The following ZFHX3 variants were observed in gnomAD, a reference collection of about 807,000 sequenced individuals.
ZFHX3 encodes the protein zinc finger homeobox 3.
A neutral mutation model predicts 279.1 loss-of-function variants in ZFHX3; 42 were observed. That is an observed-to-expected ratio of 0.15 (90% CI 0.12 to 0.19). The LOEUF is 0.19. Among genes scored for constraint, ZFHX3 ranks in the 10% least tolerant of loss-of-function variants. The probability of loss-of-function intolerance (pLI) is 1.00; values close to 1 mark genes in which losing one functional copy is unlikely to be tolerated. For synonymous variants in ZFHX3, 2,293 were observed against 1,957.8 expected (o/e 1.17, Z -4.52); for missense variants, 4,981 against 4,754.0 (o/e 1.05, Z -1.40).
At chr16:73,748,951 C>A (rs938260655) in intron 1 of ZFHX3, among the ~76,000 whole-genome samples, 1 of 152,040 alleles carries the variant, frequency 6.6e-6, no homozygotes, top group African/African-American at 2.4e-5. Context: ...CCACACCTGA[C>A]TAATTTTTGT....
intron 3 of ZFHX3, among the ~76,000 whole-genome samples, chr16:72,913,053 T>A (rs973277517): frequency 1.3e-5 from 2 of 152,172 alleles, no homozygotes; most frequent in Admixed American, 6.5e-5. Context: ...CAGGCCTGGT[T>A]TTTGAATTCT....
At chr16:73,283,508 A>C (rs1391956389) in intron 4 of ZFHX3, among the ~76,000 whole-genome samples, 1 of 152,158 alleles carries the variant, frequency 6.6e-6, no homozygotes, top group Non-Finnish European at 1.5e-5. Flanking sequence ...CAGGCCCGCT[A>C]CTGGGGGGAC....
rs369115741 is a variant in ZFHX3, at chr16:73,663,165, T to A, written c.-1547+17015A>T. 5.1e-4 allele frequency among the ~76,000 whole-genome samples: 78 copies of A among 152,382 alleles called. 1 individual carries two copies. The highest frequency in any genetic ancestry group is 1.7e-3 in the African/African-American group (71 of 41,588). On this transcript the variant is annotated intron_variant, in intron 2 of 17. Coordinates refer to the ZFHX3 transcript ENST00000641206. ...TTGACAGACATGAGTTTGAGAAAAC[T>A]GTTTGCATTTCATACCTTCTCCTTG...
At chr16:73,425,609 G>A (rs182311834) in intron 3 of ZFHX3, among the ~76,000 whole-genome samples, 43 of 152,188 alleles carry the variant, frequency 2.8e-4, no homozygotes, top group Admixed American at 7.8e-4. Context: ...CTATAGTCAG[G>A]GCATTGCAGG....
At chr16:72,845,920 G>A (rs1021771714) in intron 4 of ZFHX3, among the ~76,000 whole-genome samples, 1 of 152,202 alleles carries the variant, frequency 6.6e-6, no homozygotes, top group South Asian at 2.1e-4. Context: ...GGTGACAGCT[G>A]ATGCCAAGGA....
chr16:73,167,901 G>A (rs1252019131), intron 5 of ZFHX3, among the ~76,000 whole-genome samples: 1 of 151,682 alleles, frequency 6.6e-6, no homozygotes, highest in Admixed American at 6.6e-5. Context: ...AAAATGTAGA[G>A]ATTTCCAACC....
intron 1 of ZFHX3, among the ~76,000 whole-genome samples, chr16:72,990,855 C>T (rs1407373090): frequency 2.0e-5 from 3 of 152,188 alleles, no homozygotes; most frequent in Admixed American, 6.5e-5. Context: ...CGGCACATGC[C>T]TGTAATCCCA....
intron 2 of ZFHX3, among the ~76,000 whole-genome samples, chr16:73,470,276 C>T (rs191368744): frequency 5.9e-5 from 9 of 152,292 alleles, no homozygotes; most frequent in East Asian, 3.9e-4. Context: ...AAAGCTGTCT[C>T]GTCCTGTAAT....
At chr16:72,922,971 G>A (rs575107806) in intron 3 of ZFHX3, among the ~76,000 whole-genome samples, 2 of 152,060 alleles carry the variant, frequency 1.3e-5, no homozygotes, top group South Asian at 2.1e-4. Flanking sequence ...AGAAGGACTC[G>A]ACGAAATGAT....
At chr16:73,401,492 G>A (rs1176863490) in intron 3 of ZFHX3, 1 of 151,622 alleles carries the variant, frequency 6.6e-6, no homozygotes, top group African/African-American at 2.4e-5. Context: ...GCTGCAAGGG[G>A]AGGTTCTCTC....
intron 2 of ZFHX3, among the ~76,000 whole-genome samples, chr16:73,495,975 A>C (rs2019134315): frequency 6.6e-6 from 1 of 152,236 alleles, no homozygotes; most frequent in Non-Finnish European, 1.5e-5. Flanking sequence ...AACGTAGAGC[A>C]CGATTTATGG....
At chr16:73,127,622 C>G (rs934810391) in intron 7 of ZFHX3, 1 of 1,289,590 alleles carries the variant, frequency 7.8e-7, no homozygotes, top group Non-Finnish European at 1.0e-6. Context: ...AAGAAAGGAA[C>G]AGGGTGCAGA....
intron 1 of ZFHX3, among the ~76,000 whole-genome samples, chr16:73,718,807 G>T (rs1040579339): frequency 5.9e-5 from 9 of 151,774 alleles, no homozygotes; most frequent in Admixed American, 5.9e-4. Flanking sequence ...ATAGAGACGG[G>T]GTTTCGCCAT....
intron 2 of ZFHX3, among the ~76,000 whole-genome samples, chr16:73,649,169 T>G (rs1364064131): frequency 6.6e-6 from 1 of 152,226 alleles, no homozygotes; most frequent in East Asian, 1.9e-4. Context: ...TTCTTTACAA[T>G]GATGTTCCAT....
At chr16:73,767,178 C>A (rs1483773896) in intron 1 of ZFHX3, among the ~76,000 whole-genome samples, 1 of 152,102 alleles carries the variant, frequency 6.6e-6, no homozygotes. Context: ...CTCAAGTGAT[C>A]TGCCCACTTC....
intron 2 of ZFHX3, among the ~76,000 whole-genome samples, chr16:73,457,573 G>A (rs1456584033): frequency 1.1e-4 from 16 of 152,260 alleles, no homozygotes; most frequent in South Asian, 6.2e-4. Flanking sequence ...AGGAGTTCAA[G>A]ACCAGCCTGA....
intron 2 of ZFHX3, among the ~76,000 whole-genome samples, chr16:73,650,748 T>C (rs1416740051): frequency 6.6e-6 from 1 of 152,150 alleles, no homozygotes; most frequent in Admixed American, 6.5e-5. Context: ...GTCTTGAAGG[T>C]ACTTCTCTTA....
At chr16:72,884,023 C>CAAA (rs57103961) in intron 4 of ZFHX3, among the ~76,000 whole-genome samples, 6 of 127,470 alleles carry the variant, frequency 4.7e-5, no homozygotes, top group East Asian at 4.3e-4. Flanking sequence ...TAGCTATTTA[C>CAAA]AAAAAAAAAA....
intron 3 of ZFHX3, among the ~76,000 whole-genome samples, chr16:73,440,048 T>G (rs1046559605): frequency 6.6e-6 from 1 of 151,184 alleles, no homozygotes; most frequent in Non-Finnish European, 1.5e-5. Flanking sequence ...TTGTTCACAG[T>G]ACATGGGAAC....
Sources: gnomAD v4.1 joint callset for allele counts (sites outside exome capture counted in the v4.1 genomes callset) on GRCh38, gnomAD v4.1.1 for gene constraint, MANE v1.5 for transcripts, NCBI Gene and HGNC (gene_info 2026-07-23, HGNC 2026-07-21) for gene names.